CRB1: variants seen among roughly 807,000 people sequenced by gnomAD.
CRB1 encodes the protein protein crumbs homolog 1.
CRB1 carries 83 observed loss-of-function variants against 120.0 expected under a neutral mutation model. That is an observed-to-expected ratio of 0.69 (90% CI 0.58 to 0.83). The LOEUF is 0.83. CRB1 is among the 40% of genes least tolerant of loss of function. The pLI is 0.00. For synonymous variants in CRB1, 625 were observed against 612.5 expected (o/e 1.02, Z -0.30); for missense variants, 1,699 against 1,687.6 (o/e 1.01, Z -0.12).
intron 1 of CRB1, among the ~76,000 whole-genome samples, chr1:197,303,847 G>T (rs1390557393): frequency 6.6e-6 from 1 of 152,158 alleles, no homozygotes; most frequent in East Asian, 1.9e-4. Context: ...TTGAAGCTGA[G>T]AGTGTTGGTG....
intron 1 of CRB1, among the ~76,000 whole-genome samples, chr1:197,275,707 G>C (rs926701221): frequency 6.6e-6 from 1 of 151,796 alleles, no homozygotes; most frequent in Non-Finnish European, 1.5e-5. Flanking sequence ...TATTTCCTCG[G>C]GACAAATAGT....
At chr1:197,355,372 C>T (rs573419534) in intron 4 of CRB1, among the ~76,000 whole-genome samples, 481 of 152,344 alleles carry the variant, frequency 3.2e-3, no homozygotes, top group Non-Finnish European at 5.8e-3. Context: ...TGGAGCTGCC[C>T]GCCAGTCCCG....
the CRB1 span, chr1:197,223,013 T>C: frequency 1.3e-6 from 1 of 791,738 alleles, no homozygotes; most frequent in African/African-American, 1.7e-5. Context: ...TATTAAGTCA[T>C]TTGACACCTC....
intron 1 of CRB1, among the ~76,000 whole-genome samples, chr1:197,315,416 G>T (rs1216533106): frequency 6.6e-6 from 1 of 152,166 alleles, no homozygotes; most frequent in African/African-American, 2.4e-5. Flanking sequence ...ACACAGATCA[G>T]CCAAAGACAC....
At chr1:197,319,333 C>T (rs1288413873) in intron 1 of CRB1, among the ~76,000 whole-genome samples, 1 of 129,278 alleles carries the variant, frequency 7.7e-6, no homozygotes. Flanking sequence ...GAGGCTGAGG[C>T]AGGAGAATTG....
intron 1 of CRB1, among the ~76,000 whole-genome samples, chr1:197,324,808 G>A (rs1658401526): frequency 6.6e-6 from 1 of 151,984 alleles, no homozygotes; most frequent in Admixed American, 6.6e-5. Flanking sequence ...TCACAGAGAT[G>A]GTAAATACTA....
At chr1:197,268,580 ATGCT>A in intron 1 of CRB1, 98 bp downstream of exon 1, 4 of 983,796 alleles carry the variant, frequency 4.1e-6, no homozygotes, top group Admixed American at 1.9e-5. Flanking sequence ...ATAAAATACA[ATGCT>A]AAAAAAGGAA....
At chr1:197,297,348 G>A (rs1376390456) in intron 1 of CRB1, among the ~76,000 whole-genome samples, 1 of 152,008 alleles carries the variant, frequency 6.6e-6, no homozygotes, top group Non-Finnish European at 1.5e-5. Flanking sequence ...GGGAGTTAGA[G>A]TCCACAAGAT....
chr1:197,286,709 C>T (rs910752999), intron 1 of CRB1, among the ~76,000 whole-genome samples: 3 of 151,796 alleles, frequency 2.0e-5, no homozygotes, highest in African/African-American at 7.3e-5. Flanking sequence ...CCACTGGCTG[C>T]CTTGGATGAC....
intron 5 of CRB1, among the ~76,000 whole-genome samples, chr1:197,409,851 C>T (rs1192499342): frequency 1.3e-5 from 2 of 152,130 alleles, no homozygotes; most frequent in South Asian, 2.1e-4. Flanking sequence ...GGCGCAATCT[C>T]GGCTCACTGC....
the CRB1 span, among the ~76,000 whole-genome samples, chr1:197,222,053 A>G: frequency 2.0e-5 from 3 of 152,216 alleles, no homozygotes; most frequent in African/African-American, 7.2e-5. Context: ...ATACAGGTAT[A>G]ATTTTATTTT....
At chr1:197,327,026 C>T (rs1022908814) in intron 1 of CRB1, among the ~76,000 whole-genome samples, 2 of 143,930 alleles carry the variant, frequency 1.4e-5, no homozygotes, top group Non-Finnish European at 3.0e-5. Context: ...TAAGAGCTAG[C>T]ATTTACCAAA....
the CRB1 span, among the ~76,000 whole-genome samples, chr1:197,208,983 A>G: frequency 1.3e-5 from 2 of 152,132 alleles, no homozygotes; most frequent in African/African-American, 4.8e-5. Context: ...CCTCTGCTGC[A>G]TGTAGGTCAC....
chr1:197,413,146 C>G (rs1175682643), intron 5 of CRB1, among the ~76,000 whole-genome samples: 1 of 152,126 alleles, frequency 6.6e-6, no homozygotes, highest in Admixed American at 6.6e-5. Context: ...TATGTGAAAC[C>G]TCTCTAGGTC....
At chr1:197,286,840 G>T (rs542416996) in intron 1 of CRB1, among the ~76,000 whole-genome samples, 3 of 151,754 alleles carry the variant, frequency 2.0e-5, no homozygotes, top group Non-Finnish European at 4.4e-5. Flanking sequence ...AAAGCCATAT[G>T]GTTATCAGAA....
At chr1:197,355,551 A>G (rs1006231570) in intron 4 of CRB1, among the ~76,000 whole-genome samples, 1 of 152,190 alleles carries the variant, frequency 6.6e-6, no homozygotes, top group African/African-American at 2.4e-5. Context: ...GAGGGGAGGC[A>G]GCTGAGGCCT....
At chr1:197,446,686 T>C (rs960780483) in intron 11 of CRB1, among the ~76,000 whole-genome samples, 1 of 152,156 alleles carries the variant, frequency 6.6e-6, no homozygotes, top group Admixed American at 6.5e-5. Flanking sequence ...GCTGCAGTGA[T>C]AAAGAAAGAA....
intron 5 of CRB1, among the ~76,000 whole-genome samples, chr1:197,415,119 T>C (rs752848863): frequency 6.6e-6 from 1 of 152,092 alleles, no homozygotes; most frequent in Non-Finnish European, 1.5e-5. Flanking sequence ...TTAGCAATCA[T>C]AAGAAAAAAA....
intron 11 of CRB1, among the ~76,000 whole-genome samples, chr1:197,452,134 GAGTGCTT>G (rs1373346213): frequency 1.3e-5 from 2 of 152,126 alleles, no homozygotes; most frequent in Non-Finnish European, 2.9e-5. Flanking sequence ...CAGAGAGAGA[GAGTGCTT>G]TATTTAGACT....
Sources: gnomAD v4.1 joint callset for allele counts (sites outside exome capture counted in the v4.1 genomes callset) on GRCh38, gnomAD v4.1.1 for gene constraint, MANE v1.5 for transcripts, NCBI Gene and HGNC (gene_info 2026-07-23, HGNC 2026-07-21) for gene names.